FER1L6: variants seen among roughly 807,000 people sequenced by gnomAD.
FER1L6 encodes the protein fer-1 like family member 6.
FER1L6 carries 177 observed loss-of-function variants against 219.2 expected under a neutral mutation model. The ratio of observed to expected loss-of-function variants is 0.81; its 90% CI spans 0.71 to 0.91. The LOEUF is 0.91. FER1L6 is among the 40% of genes least tolerant of loss of function. FER1L6 has a pLI of 0.00. For missense variants in FER1L6, 2,153 were observed against 2,259.9 expected (o/e 0.95, Z 0.96); for synonymous variants, 768 against 824.3 (o/e 0.93, Z 1.17).
chr8:124,033,376 A>G (rs1361024232), intron 18 of FER1L6, among the ~76,000 whole-genome samples: 7 of 152,232 alleles, frequency 4.6e-5, no homozygotes, highest in Non-Finnish European at 8.8e-5. Context: ...TGTATTCCCC[A>G]ATACATTTTG....
chr8:124,082,737 C>T (rs1055614151), intron 33 of FER1L6, among the ~76,000 whole-genome samples: 3 of 152,112 alleles, frequency 2.0e-5, no homozygotes, highest in African/African-American at 7.2e-5. Flanking sequence ...TCAGATGTGC[C>T]TTGAAATAGA....
At chr8:123,874,092 TTCTA>T (rs1331308516) in intron 1 of FER1L6, among the ~76,000 whole-genome samples, 1 of 152,210 alleles carries the variant, frequency 6.6e-6, no homozygotes, top group East Asian at 1.9e-4. Context: ...AATTAAAACT[TTCTA>T]TCTATCCTTT....
chr8:123,940,483 A>G (rs1814193756), intron 1 of FER1L6, among the ~76,000 whole-genome samples: 1 of 152,086 alleles, frequency 6.6e-6, no homozygotes. Context: ...GACTACAGGC[A>G]CGTGCCACCA....
chr8:123,934,120 CTTTT>C (rs775111516), intron 1 of FER1L6, among the ~76,000 whole-genome samples: 3 of 151,962 alleles, frequency 2.0e-5, no homozygotes, highest in African/African-American at 7.3e-5. Context: ...ACTATTGATA[CTTTT>C]TTTTGAGACC....
At chr8:124,094,758 A>AT (rs1822200487) in intron 34 of FER1L6, 138 bp from the exon 35 acceptor site, 2 of 950,628 alleles carry the variant, frequency 2.1e-6, no homozygotes, top group East Asian at 4.9e-5. Context: ...AAGTGCTGGG[A>AT]TTACAGGTGT....
At chr8:123,904,267 T>TGA (rs1476576997) in intron 1 of FER1L6, among the ~76,000 whole-genome samples, 3 of 146,902 alleles carry the variant, frequency 2.0e-5, no homozygotes, top group Admixed American at 1.4e-4. Flanking sequence ...TGTGTGTGTG[T>TGA]GATGTGTGGG....
intron 1 of FER1L6, among the ~76,000 whole-genome samples, chr8:123,883,429 T>C (rs1161738858): frequency 6.6e-6 from 1 of 152,174 alleles, no homozygotes; most frequent in Non-Finnish European, 1.5e-5. Flanking sequence ...AGTCTTGGTT[T>C]TTAAGTAGTC....
chr8:124,003,308 C>T lies in FER1L6; in HGVS notation c.1661C>T (p.Thr554Ile). ...GATGTTCCCATTCCTATGGCCTCCA[C>T]CACTCACCCGGAGAAGCCACTGGTG... is the stretch of plus-strand genomic sequence containing the variant. ...AHDVPIPMAS[T>I]THPEKPLVTE... Residue 554 changes from threonine (T) to isoleucine (I), a missense_variant, in exon 13 of 41, where the codon ACC (threonine) becomes ATC (isoleucine). By Grantham distance (89) the Thr-to-Ile change is moderately conservative. Transcript: ENST00000522917. 1.2e-6 allele frequency: 2 copies of T among 1,613,694 alleles called. No homozygotes were observed. The highest frequency in any genetic ancestry group is 2.2e-5 in the East Asian group (1 of 44,880).
rs777421691 is a variant in FER1L6 at position 123,980,489 on chromosome 8, C to T, written c.1088C>T (p.Ala363Val). Residue 363 changes from alanine to valine, a missense_variant, in exon 11 of 41, where the codon GCC (alanine) becomes GTC (valine). Physicochemically the swap from Ala to Val is moderately conservative, Grantham distance 64 (BLOSUM62 0). Transcript: ENST00000522917. ...DKGFLPTFGP[A>V]WINLYGSPRN... ...GGCTTTCTGCCCACCTTTGGGCCTG[C>T]CTGGATTAACCTGTATGGCTCGCCC... 8 of 1,613,580 alleles carry T rather than the reference C, an allele frequency of 5.0e-6. No individual in the cohort carries two copies. The Admixed American group carries it at 8.3e-5, about 17-fold the overall frequency.
At chr8:123,884,553 G>T (rs1817165901) in intron 1 of FER1L6, among the ~76,000 whole-genome samples, 1 of 152,218 alleles carries the variant, frequency 6.6e-6, no homozygotes, top group African/African-American at 2.4e-5. Flanking sequence ...ATGGCAGTTT[G>T]CTTCAGCTTT....
intron 21 of FER1L6, 109 bp downstream of exon 21, chr8:124,046,010 AAC>A: frequency 7.4e-7 from 1 of 1,349,134 alleles, no homozygotes; most frequent in Non-Finnish European, 1.0e-6. Context: ...GAGTGGTGAG[AAC>A]ACTAGATGTA....
chr8:124,083,315 A>C (rs1821649842), intron 33 of FER1L6, among the ~76,000 whole-genome samples: 1 of 152,182 alleles, frequency 6.6e-6, no homozygotes, highest in Non-Finnish European at 1.5e-5. Flanking sequence ...CAAGTGTTTA[A>C]GTGAGAACAT....
chr8:124,030,842 T>C (rs1730218844), intron 18 of FER1L6, among the ~76,000 whole-genome samples: 1 of 152,150 alleles, frequency 6.6e-6, no homozygotes. Flanking sequence ...TGTGAGTTAC[T>C]ACCTCTCTCT....
rs562078710 is a variant in FER1L6 at position 123,915,991 on chromosome 8, A to G, written c.-7-40001A>G. ...TGTCCATTTTGCATATTTTGCTGGT[A>G]AATGCTTGGACAATAATGTTTGCTT... On this transcript the variant is annotated intron_variant, in intron 1 of 40. Coordinates refer to ENST00000522917, the MANE Select transcript of FER1L6 (RefSeq NM_001039112.2). 1.6e-4 allele frequency among the ~76,000 whole-genome samples: 24 copies of G among 152,260 alleles called. No homozygotes were observed. The South Asian group carries it at 4.8e-3, about 30-fold the overall frequency.
intron 5 of FER1L6, among the ~76,000 whole-genome samples, chr8:123,966,877 C>T (rs938737001): frequency 6.6e-6 from 1 of 152,022 alleles, no homozygotes; most frequent in African/African-American, 2.4e-5. Flanking sequence ...CTCAGGAGAT[C>T]AAGACCATCC....
At chr8:124,087,614 G>A (rs1002200299) in intron 33 of FER1L6, among the ~76,000 whole-genome samples, 1 of 151,982 alleles carries the variant, frequency 6.6e-6, no homozygotes, top group African/African-American at 2.4e-5. Context: ...ATGTTTTCCC[G>A]GATGGCCCTG....
intron 1 of FER1L6, among the ~76,000 whole-genome samples, chr8:123,865,815 G>T (rs544700597): frequency 2.0e-5 from 3 of 151,616 alleles, no homozygotes; most frequent in East Asian, 3.9e-4. Context: ...TCCCAGGTGA[G>T]GCAATGCCTC....
intron 12 of FER1L6, among the ~76,000 whole-genome samples, chr8:123,998,706 G>C (rs1817262072): frequency 6.6e-6 from 1 of 152,096 alleles, no homozygotes. Flanking sequence ...CCAGGACTTG[G>C]AATCTAAAAC....
intron 18 of FER1L6, among the ~76,000 whole-genome samples, chr8:124,028,541 G>A (rs1351426516): frequency 6.6e-6 from 1 of 152,008 alleles, no homozygotes; most frequent in Non-Finnish European, 1.5e-5. Context: ...AGGTGGGCGG[G>A]GGTGGGGAGG....
Sources: gnomAD v4.1 joint callset for allele counts (sites outside exome capture counted in the v4.1 genomes callset) on GRCh38, gnomAD v4.1.1 for gene constraint, MANE v1.5 for transcripts, NCBI Gene and HGNC (gene_info 2026-07-23, HGNC 2026-07-21) for gene names.